TARS2: variants seen among roughly 807,000 people sequenced by gnomAD.
TARS2 encodes threonine--tRNA ligase, mitochondrial.
TARS2 carries 61 observed loss-of-function variants against 94.4 expected under a neutral mutation model. That is an observed-to-expected ratio of 0.65 (90% CI 0.53 to 0.80). The LOEUF (loss-of-function observed/expected upper bound fraction) is 0.80, where lower values mean the gene tolerates loss of function less well. Among genes scored for constraint, TARS2 ranks in the 30% least tolerant of loss-of-function variants. The pLI, the probability that TARS2 is intolerant of heterozygous loss-of-function variation, is 0.00. For synonymous variants in TARS2, 359 were observed against 353.4 expected (o/e 1.02, Z -0.18); for missense variants, 704 against 902.5 (o/e 0.78, Z 2.82).
At chr1:150,506,305 C>T (rs912363085) in intron 17 of TARS2, among the ~76,000 whole-genome samples, 3 of 152,012 alleles carry the variant, frequency 2.0e-5, no homozygotes, top group African/African-American at 7.3e-5. Flanking sequence ...CATACATCCT[C>T]CTCAGCAGAG....
rs764569077 is a variant in TARS2 at position 150,490,669 on chromosome 1, C to T, written c.456C>T (p.Cys152=). The T allele has an allele frequency of 1.1e-5, 18 of 1,613,982 alleles. No individual in the cohort carries two copies. Among genetic ancestry groups the T allele is most frequent in the Non-Finnish European group, 1.3e-5 (15 of 1,179,996 alleles). The change falls in exon 4 of 18, where the codon TGC becomes TGT. Residue 152 remains cysteine, a synonymous_variant. Transcript: ENST00000369064. ...AAEQFLGAVL[C]RGPSTEYGFY... ...AACAATTCCTAGGTGCTGTTCTCTG[C>T]AGAGGTCCAAGTACAGAATATGGCT...
intron 3 of TARS2, among the ~76,000 whole-genome samples, chr1:150,490,025 T>C (rs1428494612): frequency 1.3e-5 from 2 of 150,502 alleles, no homozygotes; most frequent in African/African-American, 4.9e-5. Context: ...GCTTTGGAAC[T>C]GGGAAGAACC....
At position 150,504,722 on chromosome 1, in the gene TARS2, CG is replaced by C. The variant is rs1560258997; in HGVS notation, c.1815del (p.Lys606AsnfsTer46). 1.9e-6 allele frequency: 3 copies of C among 1,613,998 alleles called. No individual in the cohort carries two copies. Among genetic ancestry groups the C allele is most frequent in the African/African-American group, 1.3e-5 (1 of 74,890 alleles). On this transcript the variant is annotated frameshift_variant, in exon 15 of 18. Transcript: ENST00000369064. LOFTEE classifies it high-confidence loss of function. ...TGTTGGGAGTGCTGGCAGAAAGCTGCGGGGGGAAATGGTGAGACCTCTGACC... is the reference window on the plus strand; with the variant it reads ...TGTTGGGAGTGCTGGCAGAAAGCTGCGGGGGAAATGGTGAGACCTCTGACC... ...RLLGVLAESC[G>X]GKWPLWLSPF...
chr1:150,503,040 G>C (rs1222840784), intron 13 of TARS2, among the ~76,000 whole-genome samples: 23 of 152,140 alleles, frequency 1.5e-4, no homozygotes, highest in Admixed American at 1.5e-3. Context: ...AAAAGAGAGA[G>C]CAAAAAACTG....
intron 7 of TARS2, among the ~76,000 whole-genome samples, chr1:150,494,901 G>A (rs2102486708): frequency 1.3e-5 from 2 of 152,292 alleles, no homozygotes; most frequent in South Asian, 4.1e-4. Flanking sequence ...GCCAGGTGTG[G>A]CCGGGCGCAG....
chr1:150,488,888 TC>T, intron 2 of TARS2, 75 bp from the exon 3 acceptor site: 2 of 1,553,620 alleles, frequency 1.3e-6, no homozygotes, highest in Admixed American at 3.8e-5. Context: ...CATATAGGAA[TC>T]AGAACATGTG....
intron 13 of TARS2, among the ~76,000 whole-genome samples, chr1:150,503,992 G>A (rs1163685856): frequency 6.6e-6 from 1 of 152,022 alleles, no homozygotes; most frequent in Non-Finnish European, 1.5e-5. Flanking sequence ...AGTTTCAGAG[G>A]TACAGCCATT....
chr1:150,498,941 C>T lies in TARS2; in HGVS notation c.1446C>T (p.Val482=). ...GCTGTCTTGATTTCCTCCGTTCCGT[C>T]TATGCCGTTCTTGGCTTCTCCTTCC... ...IQSCLDFLRS[V]YAVLGFSFRL... Residue 482 remains valine, a synonymous_variant, in exon 12 of 18, where the codon GTC becomes GTT. Transcript: ENST00000369064. 1 of 1,614,240 alleles carries T rather than the reference C, an allele frequency of 6.2e-7. No individual in the cohort carries two copies. Among genetic ancestry groups the T allele is most frequent in the Non-Finnish European group, 8.5e-7 (1 of 1,180,048 alleles).
Position 150,487,473 on chromosome 1 carries a change from G to C in TARS2, c.23G>C (p.Arg8Pro). The change falls in exon 1 of 18, where the codon CGG becomes CCG. Residue 8 changes from arginine (R) to proline (P), a missense_variant. Physicochemically the swap from Arg to Pro is moderately radical, Grantham distance 103. Transcript: ENST00000369064. ...AACATGGCCCTGTATCAGAGGTGGC[G>C]GTGTCTCCGGCTCCAAGGTTTACAG... is the stretch of plus-strand genomic sequence containing the variant. MALYQRW[R>P]CLRLQGLQAC... 1 of 1,614,192 alleles carries C rather than the reference G, an allele frequency of 6.2e-7. No homozygotes were observed. The highest frequency in any genetic ancestry group is 8.5e-7 in the Non-Finnish European group (1 of 1,180,036).
At chr1:150,505,822 A>G in intron 17 of TARS2, 117 bp downstream of exon 17, 1 of 921,458 alleles carries the variant, frequency 1.1e-6, no homozygotes, top group Non-Finnish European at 1.6e-6. Context: ...CTGAGCAGGT[A>G]GGAGCCAGGA....
At chr1:150,499,854 A>T (rs1270240119) in intron 13 of TARS2, among the ~76,000 whole-genome samples, 2 of 152,056 alleles carry the variant, frequency 1.3e-5, no homozygotes, top group African/African-American at 4.8e-5. Context: ...AGGTTACAAA[A>T]GGTGTCCTGC....
chr1:150,500,400 G>T (rs1669861606), intron 13 of TARS2, among the ~76,000 whole-genome samples: 1 of 150,898 alleles, frequency 6.6e-6, no homozygotes, highest in African/African-American at 2.4e-5. Context: ...GACCAGCCTG[G>T]CCAACGTGGC....
intron 11 of TARS2, 74 bp from the exon 12 acceptor site, chr1:150,498,823 G>T: frequency 1.9e-6 from 3 of 1,610,094 alleles, no homozygotes; most frequent in Admixed American, 1.7e-5. Flanking sequence ...TTTGCCCTTT[G>T]TTTTCCTCAA....
chr1:150,505,690 T>TGGGCAA lies in TARS2; in HGVS notation c.1993_1994insGGGCAA (p.Tyr665delinsTrpAlaAsn). 6.2e-7 allele frequency: 1 copy of TGGGCAA among 1,613,716 alleles called. No individual in the cohort carries two copies. The highest frequency in any genetic ancestry group is 8.5e-7 in the Non-Finnish European group (1 of 1,179,838). ...AATCCGCCGGGCCCAGCTTGCCCAC[T>TGGGCAA]ACAATTTTCAGTTTGGTAAGCTGAA... On this transcript the variant is annotated protein_altering_variant, in exon 17 of 18. Transcript: ENST00000369064.
Position 150,498,977 on chromosome 1 carries a change from G to A in TARS2, c.1482G>A (p.Leu494=). 1 of 1,614,152 alleles carries A rather than the reference G, an allele frequency of 6.2e-7. No homozygotes were observed. The highest frequency in any genetic ancestry group is 1.1e-5 in the South Asian group (1 of 91,078). ...AVLGFSFRLA[L]STRPSGFLGD... ...TTGGCTTCTCCTTCCGCCTGGCACT[G>A]TCCACCCGGCCATCTGGCTTCCTGG... is the stretch of plus-strand genomic sequence containing the variant. The change falls in exon 12 of 18, where the codon CTG becomes CTA. Residue 494 remains leucine (L), a synonymous_variant. Transcript: ENST00000369064.
At chr1:150,503,526 GA>G (rs749442731) in intron 13 of TARS2, among the ~76,000 whole-genome samples, 15 of 132,890 alleles carry the variant, frequency 1.1e-4, no homozygotes, top group South Asian at 2.4e-4. Context: ...CATCCCTACT[GA>G]AAAAAAAAAA....
chr1:150,504,331 G>T lies in TARS2; in HGVS notation c.1618-4G>T, dbSNP rs751514396. ...TCTCGTGCCTTCCCATCTGTTTCCT[G>T]TAGATTGACGTGCACCTCCACGATG... On this transcript the variant is annotated splice_region_variant and splice_polypyrimidine_tract_variant and intron_variant, in intron 13 of 17. Coordinates refer to ENST00000369064, the MANE Select transcript of TARS2 (RefSeq NM_025150.5). 1.2e-6 allele frequency: 2 copies of T among 1,614,058 alleles called. No homozygotes were observed. The highest frequency in any genetic ancestry group is 1.3e-5 in the African/African-American group (1 of 75,008).
At chr1:150,488,118 A>G (rs900051077) in intron 2 of TARS2, 64 bp downstream of exon 2, 239 of 1,546,742 alleles carry the variant, frequency 1.5e-4, no homozygotes, top group Non-Finnish European at 2.0e-4. Context: ...TCTTCACTTG[A>G]GCAGGGGAAG....
At chr1:150,493,846 GA>G (rs1448466703) in intron 7 of TARS2, among the ~76,000 whole-genome samples, 6 of 151,378 alleles carry the variant, frequency 4.0e-5, no homozygotes, top group Admixed American at 3.3e-4. Context: ...GGGAAATGCA[GA>G]TGTGTAGAGC....
Sources: allele counts gnomAD v4.1 joint callset (sites outside exome capture counted in the v4.1 genomes callset), GRCh38; gene constraint gnomAD v4.1.1; transcripts MANE v1.5; gene names NCBI Gene and HGNC (gene_info 2026-07-23, HGNC 2026-07-21).